Variants in RBM33 observed in about 807,000 individuals in gnomAD.
RBM33 encodes RNA binding motif protein 33.
Under a neutral mutation model 132.6 loss-of-function variants are expected in RBM33, and 28 were observed. That is an observed-to-expected ratio of 0.21 (90% CI 0.16 to 0.29). The LOEUF (loss-of-function observed/expected upper bound fraction) is 0.29. Ranked by LOEUF, RBM33 falls within the 10% of genes least tolerant of loss-of-function variation. RBM33 has a pLI of 1.00. For missense variants in RBM33, 1,291 were observed against 1,518.5 expected (o/e 0.85, Z 2.49); for synonymous variants, 634 against 593.0 (o/e 1.07, Z -1.01).
chr7:155,758,357 G>T (rs1801918654), intron 14 of RBM33, among the ~76,000 whole-genome samples: 1 of 152,156 alleles, frequency 6.6e-6, no homozygotes, highest in Non-Finnish European at 1.5e-5. Flanking sequence ...TTTTTCCGTG[G>T]ACTGGGGTTG....
intron 2 of RBM33, among the ~76,000 whole-genome samples, chr7:155,669,685 G>C (rs1798894403): frequency 6.6e-6 from 1 of 152,120 alleles, no homozygotes; most frequent in Non-Finnish European, 1.5e-5. Context: ...TTAATGACGG[G>C]TCTATTTACA....
At chr7:155,684,990 T>C in intron 5 of RBM33, 1 of 1,550,536 alleles carries the variant, frequency 6.4e-7, no homozygotes, top group Non-Finnish European at 8.7e-7. Flanking sequence ...GCAGGAAGAC[T>C]GTGTGGCTGA....
chr7:155,731,637 A>G (rs1325797848), intron 9 of RBM33, among the ~76,000 whole-genome samples: 1 of 152,044 alleles, frequency 6.6e-6, no homozygotes, highest in African/African-American at 2.4e-5. Flanking sequence ...ATGCCAAGAG[A>G]TTTCATCATG....
At chr7:155,687,298 A>G (rs1799509946) in intron 5 of RBM33, among the ~76,000 whole-genome samples, 1 of 152,174 alleles carries the variant, frequency 6.6e-6, no homozygotes, top group Non-Finnish European at 1.5e-5. Context: ...GTGTTTGTTC[A>G]TATCCTTCAC....
At chr7:155,729,122 C>T (rs890040089) in intron 9 of RBM33, among the ~76,000 whole-genome samples, 7 of 152,170 alleles carry the variant, frequency 4.6e-5, no homozygotes, top group East Asian at 3.8e-4. Context: ...ACCTTCTTCA[C>T]GTGGTGGCAG....
rs750110621 is a variant in RBM33, at chr7:155,678,628, T to C, written c.192T>C (p.Asp64=). 1.9e-6 allele frequency: 3 copies of C among 1,575,550 alleles called. No homozygotes were observed. Among genetic ancestry groups the C allele is most frequent in the Middle Eastern group, 1.7e-4 (1 of 5,916 alleles). The change falls in exon 4 of 18, where the codon GAT becomes GAC. Residue 64 remains aspartate (D), a synonymous_variant. Coordinates refer to ENST00000401878, the MANE Select transcript of RBM33 (RefSeq NM_053043.3). The stretch of plus-strand genomic sequence containing the variant: ...ATTAGAATCAGTCGGATTTGTCAGA[T>C]GAAGAGCTAAATGATGATCTTTTGC... ...SGKKNQSDLS[D]EELNDDLLQS...
chr7:155,768,739 C>T (rs1038617706), intron 16 of RBM33, among the ~76,000 whole-genome samples: 2 of 152,234 alleles, frequency 1.3e-5, no homozygotes, highest in African/African-American at 2.4e-5. Context: ...GCCTCAGCCT[C>T]GCGAGTAGCT....
At chr7:155,703,937 A>G (rs4132701) in intron 6 of RBM33, among the ~76,000 whole-genome samples, 47,391 of 151,950 alleles carry the variant, frequency 0.31, 7,672 homozygotes, top group Admixed American at 0.43. Flanking sequence ...GTTGTCTTAT[A>G]TGAGGTGTAC....
chr7:155,699,654 C>G (rs1799903068), intron 5 of RBM33, among the ~76,000 whole-genome samples: 1 of 152,204 alleles, frequency 6.6e-6, no homozygotes, highest in Non-Finnish European at 1.5e-5. Context: ...TTACTGTCAT[C>G]TCCTGCTGTT....
chr7:155,740,770 G>A (rs1162126687), intron 12 of RBM33, among the ~76,000 whole-genome samples: 1 of 152,164 alleles, frequency 6.6e-6, no homozygotes, highest in African/African-American at 2.4e-5. Flanking sequence ...CAGGGTTTTT[G>A]CCTCCATTAA....
At chr7:155,654,197 A>G (rs952575288) in intron 1 of RBM33, among the ~76,000 whole-genome samples, 5 of 152,198 alleles carry the variant, frequency 3.3e-5, no homozygotes, top group Admixed American at 2.6e-4. Flanking sequence ...TGATGTTTTC[A>G]TTGACTTCTC....
chr7:155,724,990 T>TTTTTTGTGTGTG (rs71186056), intron 9 of RBM33, among the ~76,000 whole-genome samples: 1 of 123,290 alleles, frequency 8.1e-6, no homozygotes, highest in African/African-American at 3.4e-5. Flanking sequence ...GTGTACAGGT[T>TTTTTTGTGTGTG]TGTGTGTGTG....
At chr7:155,743,349 C>T (rs1370668914) in intron 13 of RBM33, among the ~76,000 whole-genome samples, 1 of 152,228 alleles carries the variant, frequency 6.6e-6, no homozygotes, top group Non-Finnish European at 1.5e-5. Flanking sequence ...GTCACACATT[C>T]ATAATAACAG....
chr7:155,652,497 T>C (rs1798382830), intron 1 of RBM33, among the ~76,000 whole-genome samples: 1 of 152,228 alleles, frequency 6.6e-6, no homozygotes, highest in African/African-American at 2.4e-5. Flanking sequence ...GCTAATAGTC[T>C]ATGTGGTATC....
Position 155,718,495 on chromosome 7 carries a change from A to G in RBM33, c.1260+52A>G, listed in dbSNP as rs375946269. The G allele has an allele frequency of 5.1e-5, 74 of 1,445,712 alleles. No individual in the cohort carries two copies. In the African/African-American group the frequency reaches 8.5e-4, roughly 17 times the overall value. The allele number at this position is 1,445,712 out of a possible 1,614,324, so 89.6% of individuals were successfully genotyped here. A position where few individuals can be genotyped will look rare whatever the true frequency, so the allele number is the denominator to read the frequency against. Reference sequence around the variant, plus strand: ...TGATAGGGATGAGCATACATTTACTAAGAAATATTAATATAGCAAGTGCAA... The same window carrying G: ...TGATAGGGATGAGCATACATTTACTGAGAAATATTAATATAGCAAGTGCAA... On this transcript the variant is annotated intron_variant, in intron 9 of 17. Coordinates refer to ENST00000401878, the MANE Select transcript of RBM33 (RefSeq NM_053043.3).
intron 15 of RBM33, among the ~76,000 whole-genome samples, chr7:155,765,916 CG>C (rs1295393284): frequency 6.6e-6 from 1 of 152,168 alleles, no homozygotes; most frequent in Non-Finnish European, 1.5e-5. Flanking sequence ...TGTGCAGCCA[CG>C]GCTGAATTTC....
rs142990193 is a variant in RBM33 at position 155,658,804 on chromosome 7, C to G, written c.44-6371C>G. ...TCCAGTGGAACAACTATTGACCTGG[C>G]AAGAACTGTTGGAAGCAACCGTTTT... On this transcript the variant is annotated intron_variant, in intron 1 of 17. Coordinates refer to ENST00000401878, the MANE Select transcript of RBM33 (RefSeq NM_053043.3). Among the ~76,000 whole-genome samples, 155 of 152,300 alleles carry G rather than the reference C, an allele frequency of 1.0e-3. 5 individuals are homozygous for G. In the East Asian group the frequency reaches 0.021, roughly 20 times the overall value.
Position 155,779,045 on chromosome 7 carries a change from G to A in RBM33, c.*4004G>A, listed in dbSNP as rs1413667466. 4 of 152,178 alleles carry A rather than the reference G, an allele frequency of 2.6e-5. No homozygotes were observed. Among genetic ancestry groups the A allele is most frequent in the African/African-American group, 4.8e-5 (2 of 41,370 alleles). 9.4% of individuals were successfully genotyped at this position (152,178 alleles called of 1,614,324 possible). On this transcript the variant is annotated 3_prime_UTR_variant, in exon 18 of 18. Coordinates refer to ENST00000401878, the MANE Select transcript of RBM33 (RefSeq NM_053043.3). ...TGCGGTGTCTGCAGTGCCCTTTGTGGGTGACTTCAGGCTTCCCGCTTTCGT... is the reference window on the plus strand; with the variant it reads ...TGCGGTGTCTGCAGTGCCCTTTGTGAGTGACTTCAGGCTTCCCGCTTTCGT...
chr7:155,718,736 A>G (rs1243691976), intron 9 of RBM33, among the ~76,000 whole-genome samples: 2 of 152,290 alleles, frequency 1.3e-5, no homozygotes, highest in African/African-American at 2.4e-5. Context: ...TTAGTGAGAA[A>G]GGGCCTTGCT....
Sources: allele counts gnomAD v4.1 joint callset (sites outside exome capture counted in the v4.1 genomes callset), GRCh38; gene constraint gnomAD v4.1.1; transcripts MANE v1.5; gene names NCBI Gene and HGNC (gene_info 2026-07-23, HGNC 2026-07-21).